EPHB3: variants seen among roughly 807,000 people sequenced by gnomAD.
EPHB3 encodes the protein EPH receptor B3.
A neutral mutation model predicts 100.2 loss-of-function variants in EPHB3; 33 were observed. That is an observed-to-expected ratio of 0.33 (90% CI 0.25 to 0.44). The LOEUF (loss-of-function observed/expected upper bound fraction) is 0.44, where lower values mean the gene tolerates loss of function less well. EPHB3 is among the 20% of genes least tolerant of loss of function. EPHB3 has a pLI of 1.00. For missense variants in EPHB3, 1,045 were observed against 1,378.3 expected (o/e 0.76, Z 3.83); for synonymous variants, 526 against 554.7 (o/e 0.95, Z 0.73).
intron 15 of EPHB3, 33 bp from the exon 16 acceptor site, chr3:184,581,481 A>G: frequency 1.9e-6 from 3 of 1,604,258 alleles, no homozygotes; most frequent in Non-Finnish European, 1.7e-6. Flanking sequence ...GGCACGAGGA[A>G]AGGGACTGAT....
chr3:184,576,120 C>A (rs777345071), intron 4 of EPHB3, 135 bp downstream of exon 4: 1 of 1,251,984 alleles, frequency 8.0e-7, no homozygotes, highest in Non-Finnish European at 1.1e-6. Flanking sequence ...TTAGATGTTG[C>A]GCTCAACATG....
At chr3:184,568,448 G>A (rs1359218753) in intron 1 of EPHB3, among the ~76,000 whole-genome samples, 1 of 152,154 alleles carries the variant, frequency 6.6e-6, no homozygotes, top group Non-Finnish European at 1.5e-5. Flanking sequence ...GTCTTTACCC[G>A]CTGCCCCTCA....
Position 184,578,215 on chromosome 3 carries a change from C to A in EPHB3, c.1749-199C>A. ...TCTCCATACCCCATTCCCTGAATCTCCGGGCAGGTTCCCTAGGGACTGAGT... is the reference window on the plus strand; with the variant it reads ...TCTCCATACCCCATTCCCTGAATCTACGGGCAGGTTCCCTAGGGACTGAGT... On this transcript the variant is annotated intron_variant, in intron 8 of 15. Coordinates refer to ENST00000330394, the MANE Select transcript of EPHB3 (RefSeq NM_004443.4). This position sits in a 1 kb window ranked among gnomAD's most constrained non-coding sequence, Gnocchi z 4.7. 1.1e-6 allele frequency: 1 copy of A among 883,692 alleles called. No individual in the cohort carries two copies. Among genetic ancestry groups the A allele is most frequent in the Non-Finnish European group, 1.7e-6 (1 of 588,066 alleles). 54.7% of individuals were successfully genotyped at this position (883,692 alleles called of 1,614,324 possible). A position where few individuals can be genotyped will look rare whatever the true frequency, so the allele number is the denominator to read the frequency against.
At position 184,577,582 on chromosome 3, in the gene EPHB3, G is replaced by C; in HGVS notation, c.1480-76G>C. ...GCCTTGGGTATGGAGGGGGCATGTG[G>C]CAGGCCTGGGTGTGAATAGGGGCTG... On this transcript the variant is annotated intron_variant, in intron 6 of 15. Coordinates refer to ENST00000330394, the MANE Select transcript of EPHB3 (RefSeq NM_004443.4). The surrounding 1 kb of genome is among the most constrained non-coding windows in gnomAD (Gnocchi z 4.9). 1 of 1,573,022 alleles carries C rather than the reference G, an allele frequency of 6.4e-7. No individual in the cohort carries two copies.
Position 184,571,294 on chromosome 3 carries a change from C to A in EPHB3, c.119-24C>A, listed in dbSNP as rs756392003. ...TCCTCAACCTGAGATTAGTCCCTGA[C>A]CTTTTTCTCCGTTGTTCCTCCAGAG... On this transcript the variant is annotated intron_variant, in intron 1 of 15. Transcript: ENST00000330394. This position sits in a 1 kb window ranked among gnomAD's most constrained non-coding sequence, Gnocchi z 5.0. The A allele has an allele frequency of 9.3e-6, 15 of 1,613,396 alleles. No homozygotes were observed. The highest frequency in any genetic ancestry group is 1.7e-5 in the Admixed American group (1 of 59,982).
rs1316049395 is a variant in EPHB3, at chr3:184,579,051, C to A, written c.1802-426C>A. On this transcript the variant is annotated intron_variant, in intron 9 of 15. Transcript: ENST00000330394. This position sits in a 1 kb window ranked among gnomAD's most constrained non-coding sequence, Gnocchi z 5.2. ...CAGGCAGAGGAGTCTGGACTTGACT[C>A]CACCATAGGTAATTGGAAAGGCTCT... Among the ~76,000 whole-genome samples, 2 of 152,134 alleles carry A rather than the reference C, an allele frequency of 1.3e-5. No homozygotes were observed. The highest frequency in any genetic ancestry group is 2.9e-5 in the Non-Finnish European group (2 of 68,032).
intron 1 of EPHB3, among the ~76,000 whole-genome samples, chr3:184,567,463 C>T (rs1714415441): frequency 2.7e-5 from 4 of 150,668 alleles, no homozygotes; most frequent in African/African-American, 7.4e-5. Flanking sequence ...ATCCCATAAA[C>T]AGAACCATGC....
intron 3 of EPHB3, among the ~76,000 whole-genome samples, chr3:184,574,885 C>G (rs1714635244): frequency 6.6e-6 from 1 of 152,254 alleles, no homozygotes; most frequent in Non-Finnish European, 1.5e-5. Flanking sequence ...GGAATATCAC[C>G]TTCGTGAGGG....
At position 184,579,942 on chromosome 3, in the gene EPHB3, C is replaced by A. The variant is rs1381141456; in HGVS notation, c.2172+8C>A. 1 of 1,610,284 alleles carries A rather than the reference C, an allele frequency of 6.2e-7. No individual in the cohort carries two copies. The highest frequency in any genetic ancestry group is 1.3e-5 in the African/African-American group (1 of 74,870). On this transcript the variant is annotated splice_region_variant and intron_variant, in intron 11 of 15. Coordinates refer to ENST00000330394, the MANE Select transcript of EPHB3 (RefSeq NM_004443.4). The surrounding 1 kb of genome is among the most constrained non-coding windows in gnomAD (Gnocchi z 5.2). Reference sequence around the variant, plus strand: ...CTGGACTCCTTCCTCCGGGTAAGAGCCAGCCCCCAGGCCCTCTCCCTCCCC... The same window carrying A: ...CTGGACTCCTTCCTCCGGGTAAGAGACAGCCCCCAGGCCCTCTCCCTCCCC...
intron 11 of EPHB3, 149 bp from the exon 12 acceptor site, chr3:184,580,253 G>A: frequency 2.0e-6 from 2 of 975,634 alleles, no homozygotes; most frequent in South Asian, 3.1e-5. Context: ...TTGACACATA[G>A]TAGGGCAGCT....
rs1714748341 is a variant in EPHB3 at position 184,578,805 on chromosome 3, A to C, written c.1801+339A>C. ...GTAAAGGGCACTAAGAGTTTAGAGA[A>C]GAGGAAGGCTTCCTCGAGGAGGTGG... On this transcript the variant is annotated intron_variant, in intron 9 of 15. Transcript: ENST00000330394. This position sits in a 1 kb window ranked among gnomAD's most constrained non-coding sequence, Gnocchi z 4.7. 6.6e-6 allele frequency among the ~76,000 whole-genome samples: 1 copy of C among 152,204 alleles called. No individual in the cohort carries two copies. Among genetic ancestry groups the C allele is most frequent in the Non-Finnish European group, 1.5e-5 (1 of 68,040 alleles).
In EPHB3 at chr3:184,577,795, G is replaced by A. The variant is rs938878494; in HGVS notation, c.1617G>A (p.Glu539=). ...AGYGQYSRPA[E]FETTSERGSG... The stretch of plus-strand genomic sequence containing the variant: ...ATGGGCAGTACAGCCGCCCTGCCGA[G>A]TTTGAGACCACAAGTGAGAGAGGTT... The change falls in exon 7 of 16, where the codon GAG becomes GAA. Residue 539 remains glutamate (E), a synonymous_variant. Transcript: ENST00000330394. This position sits in a 1 kb window ranked among gnomAD's most constrained non-coding sequence, Gnocchi z 4.9. The A allele has an allele frequency of 1.2e-6, 2 of 1,606,736 alleles. No homozygotes were observed. The highest frequency in any genetic ancestry group is 1.1e-5 in the South Asian group (1 of 90,690).
rs187877110 is a variant in EPHB3, at chr3:184,572,969, G to T, written c.649G>T (p.Ala217Ser). The change falls in exon 3 of 16, where the codon GCA becomes TCA. Residue 217 changes from alanine (A) to serine (S), a missense_variant. Ala to Ser is a moderately conservative substitution (Grantham distance 99, BLOSUM62 1). Transcript: ENST00000330394. The surrounding 1 kb of genome is among the most constrained non-coding windows in gnomAD (Gnocchi z 6.6). ...CTACAAGAAGTGTGCATCCACCACC[G>T]CAGGCTTCGCACTCTTCCCCGAGAC... ...AFYKKCASTT[A>S]GFALFPETLT... 10 of 1,596,786 alleles carry T rather than the reference G, an allele frequency of 6.3e-6. No individual in the cohort carries two copies. Among genetic ancestry groups the T allele is most frequent in the African/African-American group, 2.7e-5 (2 of 74,624 alleles).
chr3:184,570,327 C>T (rs922117935), intron 1 of EPHB3, among the ~76,000 whole-genome samples: 10 of 152,246 alleles, frequency 6.6e-5, no homozygotes, highest in Non-Finnish European at 1.3e-4. Flanking sequence ...ATTATAGAGT[C>T]AGATACACCT....
Position 184,569,490 on chromosome 3 carries a change from G to A in EPHB3, c.119-1828G>A, listed in dbSNP as rs1357461873. 2.0e-5 allele frequency among the ~76,000 whole-genome samples: 3 copies of A among 151,246 alleles called. No homozygotes were observed. Among genetic ancestry groups the A allele is most frequent in the Non-Finnish European group, 4.4e-5 (3 of 67,980 alleles). ...CCCGCCTCCCTCCCCGCCTGTCTCT[G>A]TGGGCCCCGGCTTCTGAGCATCTCG... On this transcript the variant is annotated intron_variant, in intron 1 of 15. Transcript: ENST00000330394. The surrounding 1 kb of genome is among the most constrained non-coding windows in gnomAD (Gnocchi z 5.4).
intron 11 of EPHB3, 84 bp from the exon 12 acceptor site, chr3:184,580,318 G>C: frequency 6.4e-7 from 1 of 1,552,938 alleles, no homozygotes; most frequent in Non-Finnish European, 8.9e-7. Context: ...GGTAGAGTCT[G>C]AGTACTCGGA....
chr3:184,562,363 G>A lies in EPHB3; in HGVS notation c.118+10G>A. On this transcript the variant is annotated intron_variant, in intron 1 of 15. Coordinates refer to ENST00000330394, the MANE Select transcript of EPHB3 (RefSeq NM_004443.4). The surrounding 1 kb of genome is among the most constrained non-coding windows in gnomAD (Gnocchi z 4.8). ...TGCCGGGCGCTGGAAGGTGAGCGGC[G>A]TCGGGGGGCGCGCCCGGGAACAAGG... 2 of 1,220,896 alleles carry A rather than the reference G, an allele frequency of 1.6e-6. No homozygotes were observed. The highest frequency in any genetic ancestry group is 2.0e-6 in the Non-Finnish European group (2 of 982,428). 75.6% of individuals were successfully genotyped at this position (1,220,896 alleles called of 1,614,324 possible).
chr3:184,576,029 TC>T, intron 4 of EPHB3, 44 bp downstream of exon 4: 1 of 1,555,118 alleles, frequency 6.4e-7, no homozygotes, highest in Non-Finnish European at 8.7e-7. Context: ...AGGCCTTCCC[TC>T]TGGGGGGCCA....
rs988703846 is a variant in EPHB3, at chr3:184,573,590, G to A, written c.856+414G>A. On this transcript the variant is annotated intron_variant, in intron 3 of 15. Coordinates refer to ENST00000330394, the MANE Select transcript of EPHB3 (RefSeq NM_004443.4). The surrounding 1 kb of genome is among the most constrained non-coding windows in gnomAD (Gnocchi z 4.5). The stretch of plus-strand genomic sequence containing the variant: ...GGGGGCTGTGGGTACCTTGTGCATG[G>A]CTTTTTACCCTGGGCTCTCTGCCCC... Among the ~76,000 whole-genome samples, 1 of 138,420 alleles carries A rather than the reference G, an allele frequency of 7.2e-6. No individual in the cohort carries two copies. Among genetic ancestry groups the A allele is most frequent in the African/African-American group, 2.7e-5 (1 of 36,930 alleles). The allele number at this position is 138,420 out of a possible 152,430, so 90.8% of individuals were successfully genotyped here.
Sources: gnomAD v4.1 joint callset for allele counts (sites outside exome capture counted in the v4.1 genomes callset) on GRCh38, gnomAD v4.1.1 for gene constraint, Gnocchi (gnomAD v3.1) non-coding constraint, MANE v1.5 for transcripts, NCBI Gene and HGNC (gene_info 2026-07-23, HGNC 2026-07-21) for gene names.